Variants in NRROS observed in about 807,000 individuals in gnomAD.
The protein encoded by NRROS is transforming growth factor beta activator LRRC33.
In NRROS, 6 loss-of-function variants were observed where a neutral mutation model predicts 12.0. The observed-to-expected ratio is 0.50, with a 90% confidence interval of 0.27 to 0.98. The LOEUF is 0.98. NRROS is among the 50% of genes least tolerant of loss of function. NRROS has a pLI of 0.11. For synonymous variants in NRROS, 462 were observed against 410.2 expected (o/e 1.13, Z -1.53); for missense variants, 857 against 888.2 (o/e 0.96, Z 0.45).
At position 196,661,384 on chromosome 3, in the gene NRROS, C is replaced by A; in HGVS notation, c.1741C>A (p.Gln581Lys). The change falls in exon 3 of 3, where the codon CAG (glutamine) becomes AAG (lysine). Residue 581 changes from glutamine (Q) to lysine (K), a missense_variant. By Grantham distance (53) the Gln-to-Lys change is moderately conservative. Transcript: ENST00000328557. ...CCTTCCCCAGAAGGCTGTGTCTGAG[C>A]AGCTCTCGAGAGGTCTGCGGACCAT... ...TALPQKAVSE[Q>K]LSRGLRTIYL... The A allele has an allele frequency of 6.4e-7, 1 of 1,571,180 alleles. No homozygotes were observed. Among genetic ancestry groups the A allele is most frequent in the Non-Finnish European group, 8.6e-7 (1 of 1,156,756 alleles).
At chr3:196,647,285 A>C (rs1212534) in intron 1 of NRROS, among the ~76,000 whole-genome samples, 59,081 of 152,098 alleles carry the variant, frequency 0.39, 12,226 homozygotes, top group African/African-American at 0.52. Flanking sequence ...CTTCAGAAAA[A>C]GTGTGCCAAT....
rs557679953 is a variant in NRROS at position 196,639,715 on chromosome 3, T to G, written c.-174T>G. 1 of 152,504 alleles carries G rather than the reference T, an allele frequency of 6.6e-6. No individual in the cohort carries two copies. The highest frequency in any genetic ancestry group is 2.4e-5 in the African/African-American group (1 of 41,574). 9.4% of individuals were successfully genotyped at this position (152,504 alleles called of 1,614,324 possible). A position where few individuals can be genotyped will look rare whatever the true frequency, so the allele number is the denominator to read the frequency against. On this transcript the variant is annotated 5_prime_UTR_variant, in exon 1 of 3. Transcript: ENST00000328557. Reference sequence around the variant, plus strand: ...TGCTGAGTCGCCGAGCAGCCCGCTCTCCATGTGACTTCAGTTTCCGTCCGT... The same window carrying G: ...TGCTGAGTCGCCGAGCAGCCCGCTCGCCATGTGACTTCAGTTTCCGTCCGT...
At chr3:196,646,881 G>A (rs888613007) in intron 1 of NRROS, among the ~76,000 whole-genome samples, 4 of 152,206 alleles carry the variant, frequency 2.6e-5, no homozygotes, top group African/African-American at 7.2e-5. Flanking sequence ...CCGAGCCGCC[G>A]CGTGCCTCTC....
intron 1 of NRROS, among the ~76,000 whole-genome samples, chr3:196,648,419 TG>T (rs1362003562): frequency 6.6e-6 from 1 of 152,168 alleles, no homozygotes; most frequent in Non-Finnish European, 1.5e-5. Context: ...CATCACTTAG[TG>T]CCTATTTAAA....
Position 196,661,612 on chromosome 3 carries a change from C to T in NRROS, c.1969C>T (p.Leu657Phe). The change falls in exon 3 of 3, where the codon CTC (leucine) becomes TTC (phenylalanine). Residue 657 changes from leucine to phenylalanine, a missense_variant. By Grantham distance (22) the Leu-to-Phe change is conservative. Coordinates refer to ENST00000328557, the MANE Select transcript of NRROS (RefSeq NM_198565.3). ...GGGCCTGCTCTACCTCGTGCTCATC[C>T]TCCCCAGCTGCCTCACCCTGCTGGT... ...DLGLLYLVLI[L>F]PSCLTLLVAC... 6.2e-7 allele frequency: 1 copy of T among 1,613,400 alleles called. No individual in the cohort carries two copies. The highest frequency in any genetic ancestry group is 2.2e-5 in the East Asian group (1 of 44,884).
intron 1 of NRROS, among the ~76,000 whole-genome samples, chr3:196,642,740 C>T (rs1274958845): frequency 1.3e-5 from 2 of 152,130 alleles, no homozygotes; most frequent in Non-Finnish European, 2.9e-5. Flanking sequence ...CGTAAGGGTA[C>T]TTAACACTAC....
At chr3:196,659,465 A>T (rs1311949473) in intron 2 of NRROS, among the ~76,000 whole-genome samples, 2 of 151,392 alleles carry the variant, frequency 1.3e-5, no homozygotes, top group African/African-American at 4.9e-5. Context: ...CCACCACCAC[A>T]CCCGGCTAGT....
At chr3:196,643,538 A>G (rs1275908053) in intron 1 of NRROS, among the ~76,000 whole-genome samples, 1 of 149,906 alleles carries the variant, frequency 6.7e-6, no homozygotes, top group African/African-American at 2.4e-5. Flanking sequence ...TCCAAGAAAG[A>G]GAAGGACCGG....
Position 196,659,740 on chromosome 3 carries a change from T to C in NRROS, c.109-12T>C. On this transcript the variant is annotated splice_polypyrimidine_tract_variant and intron_variant, in intron 2 of 2. Transcript: ENST00000328557. Reference sequence around the variant, plus strand: ...GCCTCCTCGCTGCTGACCGGTGTGGTTTTGGCCGCAGGTGGGTGGAGCCGC... The same window carrying C: ...GCCTCCTCGCTGCTGACCGGTGTGGCTTTGGCCGCAGGTGGGTGGAGCCGC... 1 of 1,600,262 alleles carries C rather than the reference T, an allele frequency of 6.2e-7. No homozygotes were observed. The highest frequency in any genetic ancestry group is 8.5e-7 in the Non-Finnish European group (1 of 1,171,690).
At chr3:196,640,158 T>C (rs1157853374) in intron 1 of NRROS, among the ~76,000 whole-genome samples, 1 of 152,138 alleles carries the variant, frequency 6.6e-6, no homozygotes, top group Non-Finnish European at 1.5e-5. Context: ...GATTCAGACG[T>C]GGGTTTGAGT....
intron 2 of NRROS, among the ~76,000 whole-genome samples, chr3:196,659,327 G>C (rs945004177): frequency 2.6e-4 from 33 of 125,834 alleles, no homozygotes; most frequent in Non-Finnish European, 5.1e-4. Context: ...TTGAGATGGA[G>C]TCTTGCTCTG....
At chr3:196,652,004 T>C (rs530845563) in intron 1 of NRROS, among the ~76,000 whole-genome samples, 81 of 152,240 alleles carry the variant, frequency 5.3e-4, no homozygotes, top group African/African-American at 1.8e-3. Context: ...CAGCAGAGTT[T>C]GAGATTCAGA....
chr3:196,659,433 G>GAGTAGC (rs1737613103), intron 2 of NRROS, among the ~76,000 whole-genome samples: 1 of 151,476 alleles, frequency 6.6e-6, no homozygotes, highest in Admixed American at 6.6e-5. Context: ...TCAGCCTCCG[G>GAGTAGC]AGTAGCTGGG....
chr3:196,650,000 G>A (rs1027286607), intron 1 of NRROS, among the ~76,000 whole-genome samples: 1 of 152,158 alleles, frequency 6.6e-6, no homozygotes, highest in African/African-American at 2.4e-5. Context: ...GGGTGGGGAC[G>A]GTAAGGTGTC....
chr3:196,639,927 C>T (rs1285066510), intron 1 of NRROS, 52 bp downstream of exon 1: 1 of 152,392 alleles, frequency 6.6e-6, no homozygotes, highest in East Asian at 1.9e-4. Flanking sequence ...GGGCCCTTCT[C>T]CAGGTGGGCG....
At chr3:196,657,143 G>A (rs998902145) in intron 2 of NRROS, among the ~76,000 whole-genome samples, 2 of 151,762 alleles carry the variant, frequency 1.3e-5, no homozygotes, top group Non-Finnish European at 2.9e-5. Flanking sequence ...GGCCGAGGTT[G>A]CAGTGAGCTG....
rs750352569 is a variant in NRROS at position 196,654,930 on chromosome 3, A to G, written c.108+283A>G. ...AGGGCATCCTCCCGGAACAAGAACA[A>G]CTTGTTAAAAATCTGGATGATTCAG... On this transcript the variant is annotated intron_variant, in intron 2 of 2. Coordinates refer to ENST00000328557, the MANE Select transcript of NRROS (RefSeq NM_198565.3). The surrounding 1 kb of genome is among the most constrained non-coding windows in gnomAD (Gnocchi z 4.4). 6.0e-6 allele frequency: 2 copies of G among 335,100 alleles called. No homozygotes were observed. Among genetic ancestry groups the G allele is most frequent in the Non-Finnish European group, 1.1e-5 (2 of 183,678 alleles). 20.8% of individuals were successfully genotyped at this position (335,100 alleles called of 1,614,324 possible). A position where few individuals can be genotyped will look rare whatever the true frequency, so the allele number is the denominator to read the frequency against.
intron 1 of NRROS, among the ~76,000 whole-genome samples, chr3:196,641,570 T>C (rs1737210754): frequency 6.6e-6 from 1 of 152,168 alleles, no homozygotes. Context: ...TCTTATAGTT[T>C]TTAAATTCAT....
chr3:196,661,768 A>T lies in NRROS; in HGVS notation c.*46A>T, dbSNP rs576465166. The T allele has an allele frequency of 4.0e-6, 6 of 1,484,484 alleles. No individual in the cohort carries two copies. Among genetic ancestry groups the T allele is most frequent in the Non-Finnish European group, 5.4e-6 (6 of 1,106,910 alleles). 92.0% of individuals were successfully genotyped at this position (1,484,484 alleles called of 1,614,324 possible). A position where few individuals can be genotyped will look rare whatever the true frequency, so the allele number is the denominator to read the frequency against. ...CGAAATTCGGTCCGCACACAACAGG[A>T]CACTTTCTCTGCCAGCTTTCAAGAT... is the stretch of plus-strand genomic sequence containing the variant. On this transcript the variant is annotated 3_prime_UTR_variant, in exon 3 of 3. Transcript: ENST00000328557.
Sources: allele counts gnomAD v4.1 joint callset (sites outside exome capture counted in the v4.1 genomes callset), GRCh38; gene constraint gnomAD v4.1.1; non-coding constraint Gnocchi (gnomAD v3.1); transcripts MANE v1.5; gene names NCBI Gene and HGNC (gene_info 2026-07-23, HGNC 2026-07-21).